The following LAMB4 variants were observed in gnomAD, a reference collection of about 807,000 sequenced individuals.
The protein encoded by LAMB4 is laminin subunit beta-4.
A neutral mutation model predicts 199.2 loss-of-function variants in LAMB4; 196 were observed. The ratio of observed to expected loss-of-function variants is 0.98; its 90% CI spans 0.88 to 1.11. The LOEUF (loss-of-function observed/expected upper bound fraction) is 1.11, where lower values mean the gene tolerates loss of function less well. Ranked by LOEUF, LAMB4 falls within the 50% of genes least tolerant of loss-of-function variation. The probability of loss-of-function intolerance (pLI) is 0.00; values close to 1 mark genes in which losing one functional copy is unlikely to be tolerated. For synonymous variants in LAMB4, 744 were observed against 770.6 expected (o/e 0.97, Z 0.57); for missense variants, 2,080 against 2,171.2 (o/e 0.96, Z 0.83).
At chr7:108,017,949 G>A in the LAMB4 span, among the ~76,000 whole-genome samples, 30 of 152,362 alleles carry the variant, frequency 2.0e-4, no homozygotes, top group East Asian at 5.8e-3. Flanking sequence ...GGCAGGCTGT[G>A]AATCGCCTAA....
At chr7:108,111,503 A>G (rs1269774879) in intron 4 of LAMB4, among the ~76,000 whole-genome samples, 1 of 152,256 alleles carries the variant, frequency 6.6e-6, no homozygotes, top group Non-Finnish European at 1.5e-5. Context: ...CCAACACTTC[A>G]TAAACTTTCT....
chr7:108,119,114 G>C (rs2038511055), intron 2 of LAMB4, among the ~76,000 whole-genome samples: 1 of 152,120 alleles, frequency 6.6e-6, no homozygotes, highest in Non-Finnish European at 1.5e-5. Context: ...AATCAGAATA[G>C]CAAAGATAAA....
chr7:108,036,926 C>A (rs1584601830), intron 30 of LAMB4, among the ~76,000 whole-genome samples: 1 of 148,872 alleles, frequency 6.7e-6, no homozygotes, highest in African/African-American at 2.5e-5. Flanking sequence ...TTTGCACCAT[C>A]CTAATATCTT....
At position 108,062,746 on chromosome 7, in the gene LAMB4, T is replaced by G. The variant is rs200303564; in HGVS notation, c.3282+28A>C. 7 of 1,250,510 alleles carry G rather than the reference T, an allele frequency of 5.6e-6. No individual in the cohort carries two copies. The East Asian group carries it at 1.7e-4, about 30-fold the overall frequency. 77.5% of individuals were successfully genotyped at this position (1,250,510 alleles called of 1,614,324 possible). On this transcript the variant is annotated intron_variant, in intron 23 of 33. Transcript: ENST00000388781. ...GTCTCACTATCATGCTCACTTTGAGTGCACTAGTAAGCTTTAAAGTATCTT... is the reference window on the plus strand; with the variant it reads ...GTCTCACTATCATGCTCACTTTGAGGGCACTAGTAAGCTTTAAAGTATCTT...
In LAMB4 at chr7:108,043,808, T is replaced by A; in HGVS notation, c.4415A>T (p.Asp1472Val). Residue 1472 changes from aspartate to valine, a missense_variant, in exon 29 of 34, where the codon GAC becomes GTC. By Grantham distance (152) the Asp-to-Val change is radical (BLOSUM62 -3). Transcript: ENST00000388781. Reference sequence around the variant, plus strand: ...AAGATTGATGTTTTCTTCTTCAGAGTCACTTTGGTTTCTTATATTTCCCAG... The same window carrying A: ...AAGATTGATGTTTTCTTCTTCAGAGACACTTTGGTTTCTTATATTTCCCAG... ...EKLGNIRNQS[D>V]SEEENINLFI... 1 of 1,605,804 alleles carries A rather than the reference T, an allele frequency of 6.2e-7. No individual in the cohort carries two copies. Among genetic ancestry groups the A allele is most frequent in the Non-Finnish European group, 8.5e-7 (1 of 1,174,262 alleles).
At chr7:108,029,770 T>C (rs2034965455) in intron 32 of LAMB4, among the ~76,000 whole-genome samples, 1 of 151,956 alleles carries the variant, frequency 6.6e-6, no homozygotes. Context: ...GTTAAGTAGA[T>C]GAATAAAGGC....
intron 1 of LAMB4, among the ~76,000 whole-genome samples, chr7:108,123,686 C>A (rs901181991): frequency 4.6e-5 from 7 of 152,172 alleles, no homozygotes; most frequent in Non-Finnish European, 8.8e-5. Flanking sequence ...GCCCCTCTCT[C>A]AAGAGCCTTT....
At chr7:108,051,261 C>G (rs1248540662) in intron 26 of LAMB4, among the ~76,000 whole-genome samples, 1 of 152,106 alleles carries the variant, frequency 6.6e-6, no homozygotes, top group African/African-American at 2.4e-5. Context: ...TTTAGGCATC[C>G]CTTTAGGGAA....
intron 2 of LAMB4, among the ~76,000 whole-genome samples, chr7:108,117,966 C>T (rs1386337314): frequency 6.6e-6 from 1 of 152,102 alleles, no homozygotes; most frequent in Non-Finnish European, 1.5e-5. Context: ...GTCTCTATGA[C>T]CTGTATCTTG....
At chr7:108,045,702 A>G (rs1321834822) in intron 28 of LAMB4, among the ~76,000 whole-genome samples, 1 of 152,240 alleles carries the variant, frequency 6.6e-6, no homozygotes. Context: ...GCACTGGGAC[A>G]TAAGACCAGG....
intron 17 of LAMB4, among the ~76,000 whole-genome samples, chr7:108,073,854 G>T (rs1448152329): frequency 1.3e-5 from 2 of 152,210 alleles, no homozygotes; most frequent in African/African-American, 2.4e-5. Context: ...ATCCTGTAGT[G>T]GGTGTGGCAC....
At chr7:108,097,612 C>T (rs1584746402) in intron 11 of LAMB4, among the ~76,000 whole-genome samples, 1 of 152,130 alleles carries the variant, frequency 6.6e-6, no homozygotes, top group South Asian at 2.1e-4. Flanking sequence ...GGTGAAACCC[C>T]GTCTCTACTA....
intron 28 of LAMB4, among the ~76,000 whole-genome samples, chr7:108,044,681 G>T (rs550818037): frequency 6.6e-6 from 1 of 152,146 alleles, no homozygotes; most frequent in African/African-American, 2.4e-5. Context: ...GCTGGGCATG[G>T]TGGCTCACGC....
intron 30 of LAMB4, among the ~76,000 whole-genome samples, chr7:108,035,604 C>CAAAAAAAAAAAAAAA (rs34425857): frequency 1.3e-5 from 1 of 79,942 alleles, no homozygotes; most frequent in Non-Finnish European, 2.4e-5. Context: ...TAGAGAGTAC[C>CAAAAAAAAAAAAAAA]AAAAAAAAAA....
intron 28 of LAMB4, chr7:108,044,141 C>G (rs114623839): frequency 1.2e-5 from 4 of 322,318 alleles, no homozygotes; most frequent in Admixed American, 1.0e-4. Flanking sequence ...TTAGCACTAA[C>G]GAATTTTTCT....
intron 31 of LAMB4, among the ~76,000 whole-genome samples, chr7:108,032,211 G>A (rs1387344262): frequency 2.0e-5 from 3 of 152,146 alleles, no homozygotes; most frequent in South Asian, 2.1e-4. Context: ...CCAACATGGC[G>A]AAACCTCGTC....
At chr7:108,078,573 C>T (rs1156528236) in intron 15 of LAMB4, among the ~76,000 whole-genome samples, 2 of 152,154 alleles carry the variant, frequency 1.3e-5, no homozygotes, top group Non-Finnish European at 2.9e-5. Context: ...ACTCTCCTGA[C>T]AAGCCTAATC....
intron 13 of LAMB4, 38 bp from the exon 14 acceptor site, chr7:108,091,814 T>G: frequency 1.9e-6 from 3 of 1,607,954 alleles, no homozygotes; most frequent in Non-Finnish European, 2.5e-6. Flanking sequence ...AAATGCAAAG[T>G]AGGTGAGCGG....
At chr7:108,071,778 T>C (rs1584683685) in intron 17 of LAMB4, among the ~76,000 whole-genome samples, 1 of 152,184 alleles carries the variant, frequency 6.6e-6, no homozygotes, top group Non-Finnish European at 1.5e-5. Flanking sequence ...ATGATTACAG[T>C]GGCAGCTGAA....
Sources: allele counts gnomAD v4.1 joint callset (sites outside exome capture counted in the v4.1 genomes callset), GRCh38; gene constraint gnomAD v4.1.1; transcripts MANE v1.5; gene names NCBI Gene and HGNC (gene_info 2026-07-23, HGNC 2026-07-21).